GPC6: variants seen among roughly 807,000 people sequenced by gnomAD.
The protein encoded by GPC6 is glypican 6.
In GPC6, 14 loss-of-function variants were observed where a neutral mutation model predicts 55.2. That is an observed-to-expected ratio of 0.25 (90% CI 0.17 to 0.40). The LOEUF is 0.40. GPC6 is among the 10% of genes least tolerant of loss of function. The pLI is 1.00. For synonymous variants in GPC6, 278 were observed against 259.6 expected (o/e 1.07, Z -0.68); for missense variants, 641 against 708.5 (o/e 0.90, Z 1.08).
chr13:93,287,355 A>T (rs1219449654), intron 1 of GPC6, among the ~76,000 whole-genome samples: 2 of 152,188 alleles, frequency 1.3e-5, no homozygotes, highest in East Asian at 3.9e-4. Context: ...AGAGGCAGGG[A>T]CATTGGCCAC....
At chr13:94,058,774 TTA>T (rs138161844) in intron 4 of GPC6, among the ~76,000 whole-genome samples, 2,624 of 152,276 alleles carry the variant, frequency 0.017, 80 homozygotes, top group East Asian at 0.16. Context: ...GCATCGCCTT[TTA>T]TTTTGAATGT....
At chr13:93,815,271 A>G (rs1316362858) in intron 2 of GPC6, among the ~76,000 whole-genome samples, 1 of 152,210 alleles carries the variant, frequency 6.6e-6, no homozygotes, top group East Asian at 1.9e-4. Flanking sequence ...CTGTGGCATG[A>G]ATAATTATTT....
intron 3 of GPC6, among the ~76,000 whole-genome samples, chr13:94,024,825 T>C (rs934830075): frequency 5.3e-5 from 8 of 152,168 alleles, no homozygotes; most frequent in African/African-American, 1.2e-4. Context: ...AAAGCAACAA[T>C]TGAATGCTAA....
At chr13:94,113,509 T>C (rs974326002) in intron 4 of GPC6, among the ~76,000 whole-genome samples, 1 of 152,066 alleles carries the variant, frequency 6.6e-6, no homozygotes, top group Non-Finnish European at 1.5e-5. Flanking sequence ...TTGTACAATA[T>C]GCAGCATTGT....
At chr13:94,383,618 G>A (rs1594228330) in intron 7 of GPC6, among the ~76,000 whole-genome samples, 1 of 152,208 alleles carries the variant, frequency 6.6e-6, no homozygotes, top group Non-Finnish European at 1.5e-5. Context: ...TGGCTATTAA[G>A]TTGAGAAGAA....
intron 4 of GPC6, among the ~76,000 whole-genome samples, chr13:94,197,856 G>A (rs560165986): frequency 3.6e-4 from 54 of 151,404 alleles, no homozygotes; most frequent in Non-Finnish European, 6.9e-4. Flanking sequence ...ACCAAGAAAC[G>A]TAACACTTTA....
chr13:93,374,211 C>T (rs999290557), intron 1 of GPC6, among the ~76,000 whole-genome samples: 2 of 152,194 alleles, frequency 1.3e-5, no homozygotes, highest in African/African-American at 4.8e-5. Flanking sequence ...AAGTAAAGTA[C>T]TTTCAATCTG....
intron 1 of GPC6, among the ~76,000 whole-genome samples, chr13:93,331,880 A>C (rs948845464): frequency 1.3e-5 from 2 of 151,746 alleles, no homozygotes; most frequent in Non-Finnish European, 2.9e-5. Context: ...ACTCTCCCCA[A>C]CCTCTGGTAA....
intron 6 of GPC6, among the ~76,000 whole-genome samples, chr13:94,361,816 T>TC (rs2139181690): frequency 6.6e-6 from 1 of 152,342 alleles, no homozygotes; most frequent in African/African-American, 2.4e-5. Flanking sequence ...GTTAGCAAAA[T>TC]CACTTGGGAA....
chr13:93,749,409 CT>C (rs889690703), intron 2 of GPC6, among the ~76,000 whole-genome samples: 7 of 151,018 alleles, frequency 4.6e-5, no homozygotes, highest in South Asian at 2.1e-4. Context: ...TTTTCTTTGA[CT>C]TTTTTTTTAT....
chr13:93,337,199 C>T (rs905254538), intron 1 of GPC6, among the ~76,000 whole-genome samples: 1 of 152,132 alleles, frequency 6.6e-6, no homozygotes, highest in African/African-American at 2.4e-5. Flanking sequence ...TACCTACTTG[C>T]TGTGAAATTA....
At chr13:93,397,543 CATTTT>C (rs1875905738) in intron 1 of GPC6, among the ~76,000 whole-genome samples, 1 of 152,126 alleles carries the variant, frequency 6.6e-6, no homozygotes, top group Non-Finnish European at 1.5e-5. Context: ...CCATAGAAAA[CATTTT>C]AATTGCCTTA....
At chr13:93,347,371 T>C (rs960509564) in intron 1 of GPC6, among the ~76,000 whole-genome samples, 5 of 152,148 alleles carry the variant, frequency 3.3e-5, no homozygotes, top group Admixed American at 6.6e-5. Context: ...TTGCAAGATA[T>C]TACAAATGCA....
At chr13:93,922,462 G>T (rs1294237806) in intron 3 of GPC6, among the ~76,000 whole-genome samples, 1 of 152,076 alleles carries the variant, frequency 6.6e-6, no homozygotes, top group Non-Finnish European at 1.5e-5. Flanking sequence ...TATCTAAATC[G>T]GGATTTCTCA....
intron 4 of GPC6, among the ~76,000 whole-genome samples, chr13:94,237,441 A>C (rs778932270): frequency 8.5e-5 from 13 of 152,126 alleles, no homozygotes; most frequent in Non-Finnish European, 1.8e-4. Context: ...GACAACAAAT[A>C]AACAGATAAA....
intron 2 of GPC6, among the ~76,000 whole-genome samples, chr13:93,760,362 A>G (rs781401770): frequency 1.3e-5 from 2 of 152,202 alleles, no homozygotes; most frequent in Non-Finnish European, 2.9e-5. Flanking sequence ...GAGCACACCT[A>G]GAGACAGCAA....
chr13:93,491,592 G>A (rs1212752897), intron 1 of GPC6, among the ~76,000 whole-genome samples: 1 of 144,570 alleles, frequency 6.9e-6, no homozygotes, highest in Non-Finnish European at 1.5e-5. Flanking sequence ...TGAAGTCCTT[G>A]CCCACGCCTG....
At chr13:93,707,023 A>G (rs1400441836) in intron 2 of GPC6, among the ~76,000 whole-genome samples, 1 of 151,774 alleles carries the variant, frequency 6.6e-6, no homozygotes, top group Non-Finnish European at 1.5e-5. Flanking sequence ...TATAGAAACA[A>G]TGTTTCTTCT....
At chr13:94,112,219 A>G (rs1182393322) in intron 4 of GPC6, among the ~76,000 whole-genome samples, 1 of 152,188 alleles carries the variant, frequency 6.6e-6, no homozygotes, top group Non-Finnish European at 1.5e-5. Flanking sequence ...ACTCCAAAGT[A>G]ATTTAGTAAG....
Sources: gnomAD v4.1 joint callset for allele counts (sites outside exome capture counted in the v4.1 genomes callset) on GRCh38, gnomAD v4.1.1 for gene constraint, MANE v1.5 for transcripts, NCBI Gene and HGNC (gene_info 2026-07-23, HGNC 2026-07-21) for gene names.